The following CHLSN variants were observed in gnomAD, a reference collection of about 807,000 sequenced individuals.
CHLSN encodes cholesin.
chr7:1,077,069 G>A, the CHLSN span, among the ~76,000 whole-genome samples: 27 of 152,266 alleles, frequency 1.8e-4, no homozygotes, highest in Non-Finnish European at 1.6e-4. Context: ...GAGACTGTAC[G>A]ACAGGGTCCG....
At chr7:1,052,403 G>C in the CHLSN span, among the ~76,000 whole-genome samples, 2 of 152,240 alleles carry the variant, frequency 1.3e-5, no homozygotes, top group Non-Finnish European at 2.9e-5. The surrounding 1 kb of genome is among the most constrained non-coding windows in gnomAD (Gnocchi z 4.2). Context: ...CCTGTGTGTG[G>C]GTGGCAGGTC....
the CHLSN span, among the ~76,000 whole-genome samples, chr7:1,018,432 C>T: frequency 7.9e-5 from 12 of 152,258 alleles, no homozygotes; most frequent in Admixed American, 7.2e-4. Context: ...AGCCTGGCCC[C>T]GAGCAGAGAG....
chr7:1,130,585 C>T, the CHLSN span, among the ~76,000 whole-genome samples: 2 of 151,962 alleles, frequency 1.3e-5, no homozygotes, highest in Non-Finnish European at 2.9e-5. Context: ...CCCTCACCCA[C>T]ACTCCTCCCT....
the CHLSN span, among the ~76,000 whole-genome samples, chr7:1,041,773 C>T: frequency 5.9e-5 from 9 of 152,082 alleles, no homozygotes; most frequent in Non-Finnish European, 1.3e-4. Context: ...CCGAGGGGAA[C>T]GCCAGCCAGC....
chr7:1,051,075 C>A, the CHLSN span, among the ~76,000 whole-genome samples: 1 of 152,286 alleles, frequency 6.6e-6, no homozygotes, highest in African/African-American at 2.4e-5. Context: ...GCCACCCCTG[C>A]GTCGCAGAGG....
the CHLSN span, among the ~76,000 whole-genome samples, chr7:1,096,533 T>A: frequency 1.2e-4 from 19 of 152,196 alleles, no homozygotes; most frequent in Non-Finnish European, 2.5e-4. This position sits in a 1 kb window ranked among gnomAD's most constrained non-coding sequence, Gnocchi z 4.6. Flanking sequence ...CTCAAGCGCT[T>A]GCCTGGGAGC....
At chr7:1,001,412 TGAGTG>T in the CHLSN span, among the ~76,000 whole-genome samples, 1 of 120,080 alleles carries the variant, frequency 8.3e-6, no homozygotes, top group African/African-American at 3.3e-5. Flanking sequence ...GTCCTGTGGG[TGAGTG>T]GAGTCCTGTG....
chr7:1,059,810 G>A, the CHLSN span, among the ~76,000 whole-genome samples: 3 of 90,866 alleles, frequency 3.3e-5, no homozygotes, highest in Non-Finnish European at 6.7e-5. Flanking sequence ...CCCGTAGTGG[G>A]GCGGGTCTGT....
At chr7:1,045,015 C>G in the CHLSN span, among the ~76,000 whole-genome samples, 1 of 152,370 alleles carries the variant, frequency 6.6e-6, no homozygotes, top group South Asian at 2.1e-4. Flanking sequence ...CTTTCGGCCC[C>G]TTCTGTGATT....
chr7:1,013,860 A>T, the CHLSN span, among the ~76,000 whole-genome samples: 1 of 152,260 alleles, frequency 6.6e-6, no homozygotes, highest in Non-Finnish European at 1.5e-5. Flanking sequence ...ACAGAAAAAT[A>T]AAAATTCCAG....
the CHLSN span, among the ~76,000 whole-genome samples, chr7:1,001,221 C>A: frequency 6.6e-5 from 10 of 152,234 alleles, no homozygotes; most frequent in African/African-American, 2.4e-4. Flanking sequence ...CCAGAAGCCT[C>A]CATCAGTGTG....
the CHLSN span, among the ~76,000 whole-genome samples, chr7:1,098,776 G>A: frequency 6.6e-6 from 1 of 152,246 alleles, no homozygotes; most frequent in Non-Finnish European, 1.5e-5. Context: ...AACGTGCAGG[G>A]CAGACAGGTC....
the CHLSN span, chr7:1,092,375 G>C: frequency 6.3e-7 from 1 of 1,585,292 alleles, no homozygotes; most frequent in Non-Finnish European, 8.6e-7. Flanking sequence ...GAGGTGCAGT[G>C]GCTCGAGGTC....
At chr7:1,105,073 T>C in the CHLSN span, among the ~76,000 whole-genome samples, 1 of 152,208 alleles carries the variant, frequency 6.6e-6, no homozygotes, top group Non-Finnish European at 1.5e-5. Context: ...TCTTACTATG[T>C]ATCGCAATTT....
the CHLSN span, among the ~76,000 whole-genome samples, chr7:1,135,942 T>C: frequency 3.2e-5 from 4 of 123,830 alleles, no homozygotes; most frequent in East Asian, 2.2e-4. Flanking sequence ...TATATAAGTA[T>C]ATATAAATAT....
chr7:993,139 C>T, the CHLSN span, among the ~76,000 whole-genome samples: 2 of 152,272 alleles, frequency 1.3e-5, no homozygotes, highest in East Asian at 1.9e-4. Flanking sequence ...GTGAAACCCA[C>T]GCAGCCAGCA....
chr7:1,071,895 A>G, the CHLSN span, among the ~76,000 whole-genome samples: 2 of 152,082 alleles, frequency 1.3e-5, no homozygotes, highest in African/African-American at 2.4e-5. Context: ...GGCACCCAAG[A>G]CTGCACCCCC....
At chr7:981,865 C>CATAA in the CHLSN span, among the ~76,000 whole-genome samples, 6 of 152,006 alleles carry the variant, frequency 3.9e-5, no homozygotes, top group South Asian at 2.1e-4. Flanking sequence ...TCCATTTCTA[C>CATAA]ATAAATAAAT....
the CHLSN span, among the ~76,000 whole-genome samples, chr7:1,016,969 C>CAGCACACGCCAGCACACGCCAGCGCACAG: frequency 9.6e-6 from 1 of 103,720 alleles, no homozygotes; most frequent in African/African-American, 4.5e-5. Flanking sequence ...GCAGCACACG[C>CAGCACACGCCAGCACACGCCAGCGCACAG]CAGCACACAC....
Sources: allele counts gnomAD v4.1 joint callset (sites outside exome capture counted in the v4.1 genomes callset), GRCh38; gene constraint gnomAD v4.1.1; non-coding constraint Gnocchi (gnomAD v3.1); transcripts MANE v1.5; gene names NCBI Gene and HGNC (gene_info 2026-07-23, HGNC 2026-07-21).